The following ZNF385D variants were observed in gnomAD, a reference collection of about 807,000 sequenced individuals.
ZNF385D encodes zinc finger protein 385D.
ZNF385D carries 15 observed loss-of-function variants against 35.8 expected under a neutral mutation model. The observed-to-expected ratio is 0.42, with a 90% confidence interval of 0.28 to 0.64. ZNF385D has a LOEUF of 0.64. Among genes scored for constraint, ZNF385D ranks in the 30% least tolerant of loss-of-function variants. The pLI is 0.23. For synonymous variants in ZNF385D, 212 were observed against 186.8 expected (o/e 1.13, Z -1.10); for missense variants, 474 against 494.6 (o/e 0.96, Z 0.39).
rs78354191 is a variant in ZNF385D at position 22,326,737 on chromosome 3, G to A, written c.106+45713C>T. Among the ~76,000 whole-genome samples, 1,319 of 152,292 alleles carry A rather than the reference G, an allele frequency of 8.7e-3. 13 individuals carry two copies. Among genetic ancestry groups the A allele is most frequent in the African/African-American group, 0.029 (1,223 of 41,544 alleles). ...AGTGACAAAGTCTACCTAAGGGAGTGTATTGACCATAAGTGTACAGCTTGA... is the reference window on the plus strand; with the variant it reads ...AGTGACAAAGTCTACCTAAGGGAGTATATTGACCATAAGTGTACAGCTTGA... On this transcript the variant is annotated intron_variant, in intron 2 of 5. Transcript: ENST00000494108.
intron 2 of ZNF385D, among the ~76,000 whole-genome samples, chr3:21,652,220 A>G (rs559069959): frequency 6.6e-6 from 1 of 152,312 alleles, no homozygotes; most frequent in African/African-American, 2.4e-5. Flanking sequence ...TACATAGTAG[A>G]AAGTTACAAG....
intron 3 of ZNF385D, among the ~76,000 whole-genome samples, chr3:22,078,147 G>A (rs187250340): frequency 8.6e-5 from 13 of 151,948 alleles, no homozygotes; most frequent in South Asian, 8.3e-4. Context: ...GCTCATTATC[G>A]GAAACGTCAA....
At chr3:21,828,616 T>C (rs1032918639) in intron 3 of ZNF385D, among the ~76,000 whole-genome samples, 1 of 152,182 alleles carries the variant, frequency 6.6e-6, no homozygotes, top group Non-Finnish European at 1.5e-5. Flanking sequence ...CAGGTATGGA[T>C]AGTATGGATT....
chr3:22,315,860 G>A (rs1703858027), intron 2 of ZNF385D, among the ~76,000 whole-genome samples: 1 of 152,098 alleles, frequency 6.6e-6, no homozygotes, highest in Admixed American at 6.6e-5. Flanking sequence ...ATCTGCCTTT[G>A]TAAGACTAAT....
intron 3 of ZNF385D, among the ~76,000 whole-genome samples, chr3:21,757,561 T>A (rs183051182): frequency 1.3e-5 from 2 of 152,164 alleles, no homozygotes; most frequent in Non-Finnish European, 2.9e-5. Context: ...GGTTGTGGAA[T>A]AGCAATGTTT....
At chr3:21,522,126 A>T (rs1350838918) in intron 3 of ZNF385D, among the ~76,000 whole-genome samples, 1 of 152,144 alleles carries the variant, frequency 6.6e-6, no homozygotes, top group Non-Finnish European at 1.5e-5. Context: ...CTTTTATGAA[A>T]ATTATGGTTT....
chr3:21,629,857 A>G (rs1035902655), intron 2 of ZNF385D, among the ~76,000 whole-genome samples: 2 of 152,168 alleles, frequency 1.3e-5, no homozygotes, highest in African/African-American at 4.8e-5. Flanking sequence ...GAACTGCTTT[A>G]ATGGAATTGT....
At chr3:22,339,126 A>G (rs995187162) in intron 2 of ZNF385D, among the ~76,000 whole-genome samples, 5 of 152,172 alleles carry the variant, frequency 3.3e-5, no homozygotes, top group African/African-American at 2.4e-5. Context: ...GTTTTAAAGC[A>G]TGTGCTCCTG....
chr3:21,591,072 C>T (rs1335727416), intron 2 of ZNF385D, among the ~76,000 whole-genome samples: 1 of 151,888 alleles, frequency 6.6e-6, no homozygotes. Flanking sequence ...GTGACATGTG[C>T]CTGTAATCCC....
At chr3:22,192,687 C>A (rs1022964367) in intron 2 of ZNF385D, among the ~76,000 whole-genome samples, 4 of 152,142 alleles carry the variant, frequency 2.6e-5, no homozygotes, top group Admixed American at 6.6e-5. Context: ...AAAACCTCAG[C>A]AAATGCTTCC....
chr3:21,543,749 T>G (rs2125572563), intron 3 of ZNF385D, among the ~76,000 whole-genome samples: 1 of 152,330 alleles, frequency 6.6e-6, no homozygotes, highest in Middle Eastern at 3.4e-3. Flanking sequence ...TTTTTCTTTC[T>G]TTCTAGAAGA....
At chr3:21,795,806 A>G (rs1223898970) in intron 3 of ZNF385D, among the ~76,000 whole-genome samples, 3 of 152,228 alleles carry the variant, frequency 2.0e-5, no homozygotes, top group Non-Finnish European at 4.4e-5. Context: ...ACTCAGTATG[A>G]CTATCAAATA....
intron 3 of ZNF385D, among the ~76,000 whole-genome samples, chr3:21,560,592 A>C (rs903447633): frequency 2.6e-5 from 4 of 152,110 alleles, no homozygotes; most frequent in African/African-American, 9.7e-5. Context: ...CCCTACTGGG[A>C]GGTATCTCCC....
At chr3:21,722,290 C>T (rs1403642985) in intron 1 of ZNF385D, among the ~76,000 whole-genome samples, 1 of 152,156 alleles carries the variant, frequency 6.6e-6, no homozygotes, top group Non-Finnish European at 1.5e-5. Context: ...CTGAATAAAA[C>T]CTTTTCCTTC....
At chr3:21,692,093 G>A (rs900374625) in intron 1 of ZNF385D, among the ~76,000 whole-genome samples, 19 of 152,082 alleles carry the variant, frequency 1.2e-4, no homozygotes, top group Non-Finnish European at 2.4e-4. Context: ...ATGTTCCACT[G>A]CACATATATA....
At chr3:21,779,430 C>G (rs968908768) in intron 3 of ZNF385D, among the ~76,000 whole-genome samples, 1 of 151,612 alleles carries the variant, frequency 6.6e-6, no homozygotes, top group African/African-American at 2.4e-5. Flanking sequence ...TTAAAGAGAG[C>G]GGATTGTTGC....
At chr3:22,019,033 C>CTTTTTT (rs1697059994) in intron 3 of ZNF385D, among the ~76,000 whole-genome samples, 1 of 74,342 alleles carries the variant, frequency 1.3e-5, no homozygotes, top group African/African-American at 5.7e-5. Context: ...GAGTTATTTA[C>CTTTTTT]CTTTTTTTTT....
At chr3:21,990,744 A>G (rs2125394513) in intron 3 of ZNF385D, among the ~76,000 whole-genome samples, 1 of 152,356 alleles carries the variant, frequency 6.6e-6, no homozygotes. Context: ...TTTCTACAAC[A>G]TCTACAGAAA....
chr3:21,811,254 C>A (rs1434204783), intron 3 of ZNF385D, among the ~76,000 whole-genome samples: 4 of 151,870 alleles, frequency 2.6e-5, no homozygotes, highest in Admixed American at 6.6e-5. Flanking sequence ...CAATGAACAC[C>A]CTGATCGCTC....
Sources: gnomAD v4.1 joint callset for allele counts (sites outside exome capture counted in the v4.1 genomes callset) on GRCh38, gnomAD v4.1.1 for gene constraint, MANE v1.5 for transcripts, NCBI Gene and HGNC (gene_info 2026-07-23, HGNC 2026-07-21) for gene names.